The following ACE variants were observed in gnomAD, a reference collection of about 807,000 sequenced individuals.
The protein encoded by ACE is angiotensin-converting enzyme.
In ACE, 122 loss-of-function variants were observed where a neutral mutation model predicts 162.3. The ratio of observed to expected loss-of-function variants is 0.75; its 90% CI spans 0.65 to 0.87. The LOEUF (loss-of-function observed/expected upper bound fraction) is 0.87. ACE is among the 40% of genes least tolerant of loss of function. The pLI, the probability that ACE is intolerant of heterozygous loss-of-function variation, is 0.00. For missense variants in ACE, 1,799 were observed against 1,735.1 expected (o/e 1.04, Z -0.65); for synonymous variants, 796 against 720.6 (o/e 1.10, Z -1.68).
chr17:63,477,266 G>T lies in ACE; in HGVS notation c.172G>T (p.Glu58Ter). 1.3e-6 allele frequency: 2 copies of T among 1,492,980 alleles called. No homozygotes were observed. The highest frequency in any genetic ancestry group is 1.8e-6 in the Non-Finnish European group (2 of 1,121,950). 92.5% of individuals were successfully genotyped at this position (1,492,980 alleles called of 1,614,324 possible). A position where few individuals can be genotyped will look rare whatever the true frequency, so the allele number is the denominator to read the frequency against. ...LFAQSYNSSA[E>*]QVLFQSVAAS... ...CGCGCAGAGCTACAACTCCAGCGCC[G>T]AACAGGTGCTGTTCCAGAGCGTGGC... Residue 58 changes from glutamate (E) to a stop codon, truncating the protein, a stop_gained, in exon 1 of 25, where the codon GAA becomes TAA. Coordinates refer to ENST00000290866, the MANE Select transcript of ACE (RefSeq NM_000789.4). LOFTEE classifies it high-confidence loss of function.
chr17:63,477,835 T>C, intron 1 of ACE, 96 bp from the exon 2 acceptor site: 1 of 1,477,474 alleles, frequency 6.8e-7, no homozygotes, highest in Non-Finnish European at 9.2e-7. Flanking sequence ...TGGAAGCCCT[T>C]GGCCTTCCTC....
Position 63,496,984 on chromosome 17 carries a change from C to A in ACE, c.3690C>A (p.Ser1230=). 1 of 1,608,834 alleles carries A rather than the reference C, an allele frequency of 6.2e-7. No individual in the cohort carries two copies. Among genetic ancestry groups the A allele is most frequent in the South Asian group, 1.1e-5 (1 of 90,498 alleles). Residue 1230 remains serine, a splice_region_variant and synonymous_variant, in exon 24 of 25, where the codon TCC becomes TCA. Coordinates refer to ENST00000290866, the MANE Select transcript of ACE (RefSeq NM_000789.4). ...GWPQYNWTPN[S]ARSEGPLPDS... ...CGCAGTACAACTGGACGCCGAACTC[C>A]GGTACCGCCACCCACCCCACCTCCA...
intron 17 of ACE, 60 bp from the exon 18 acceptor site, chr17:63,490,894 C>T: frequency 3.3e-6 from 5 of 1,504,876 alleles, no homozygotes; most frequent in Non-Finnish European, 3.7e-6. Flanking sequence ...TGCAGGAGGG[C>T]ATTGAGCCTA....
At position 63,483,566 on chromosome 17, in the gene ACE, C is replaced by A. The variant is rs780019292; in HGVS notation, c.1586+8C>A. 2 of 1,598,032 alleles carry A rather than the reference C, an allele frequency of 1.3e-6. No homozygotes were observed. The highest frequency in any genetic ancestry group is 1.7e-6 in the Non-Finnish European group (2 of 1,168,486). On this transcript the variant is annotated splice_region_variant and intron_variant, in intron 10 of 24. Coordinates refer to ENST00000290866, the MANE Select transcript of ACE (RefSeq NM_000789.4). ...TGTGACACCATACATCAGGTATTAG[C>A]GCCCCCACCCCACCCACCCCCAGTA...
chr17:63,479,158 T>A, intron 3 of ACE, 58 bp downstream of exon 3: 6 of 1,401,360 alleles, frequency 4.3e-6, no homozygotes, highest in Non-Finnish European at 5.9e-6. Context: ...ATTGCCCTGC[T>A]GCACTCCAGA....
At position 63,483,986 on chromosome 17, in the gene ACE, G is replaced by A. The variant is rs374906058; in HGVS notation, c.1709+15G>A. ...GCCAAGCTCCGGTGTGTGGTGGGAA[G>A]CCGGGGGAAGTGGGAGGCAGAGAGG... On this transcript the variant is annotated intron_variant, in intron 11 of 24. Transcript: ENST00000290866. 19 of 1,609,272 alleles carry A rather than the reference G, an allele frequency of 1.2e-5. No individual in the cohort carries two copies. Among genetic ancestry groups the A allele is most frequent in the Non-Finnish European group, 1.5e-5 (18 of 1,178,056 alleles).
rs898541680 is a variant in ACE at position 63,497,866 on chromosome 17, G to A, written c.*500G>A. On this transcript the variant is annotated 3_prime_UTR_variant, in exon 25 of 25. Transcript: ENST00000290866. ...GTCTGGCCCAAGCACTGACCCACGC[G>A]GACTCTGGGAAGCAGACATCCTGGG... 1.8e-5 allele frequency: 5 copies of A among 278,436 alleles called. No individual in the cohort carries two copies. Among genetic ancestry groups the A allele is most frequent in the Non-Finnish European group, 2.8e-5 (4 of 142,284 alleles). 17.2% of individuals were successfully genotyped at this position (278,436 alleles called of 1,614,324 possible).
In ACE at chr17:63,484,038, G is replaced by GGT; in HGVS notation, c.1709+70_1709+71dup. On this transcript the variant is annotated intron_variant, in intron 11 of 24. Coordinates refer to ENST00000290866, the MANE Select transcript of ACE (RefSeq NM_000789.4). The surrounding 1 kb of genome is among the most constrained non-coding windows in gnomAD (Gnocchi z 4.0). Reference sequence around the variant, plus strand: ...GCGGCTGGCAAAGGGTGTGGCAGGAGGTGTCTGGCTGCTCTGATGGGGTGG... The same window carrying GGT: ...GCGGCTGGCAAAGGGTGTGGCAGGAGGTGTGTCTGGCTGCTCTGATGGGGTGG... 2 of 1,548,858 alleles carry GGT rather than the reference G, an allele frequency of 1.3e-6. No individual in the cohort carries two copies. Among genetic ancestry groups the GGT allele is most frequent in the Non-Finnish European group, 1.7e-6 (2 of 1,150,046 alleles).
At chr17:63,481,373 A>G (rs927327262) in intron 6 of ACE, among the ~76,000 whole-genome samples, 185 bp downstream of exon 6, 2 of 152,118 alleles carry the variant, frequency 1.3e-5, no homozygotes, top group African/African-American at 2.4e-5. Context: ...CAGGCTCCAC[A>G]GTGGCAGGAT....
At position 63,484,657 on chromosome 17, in the gene ACE, G is replaced by T. The variant is rs2029863733; in HGVS notation, c.1921+116G>T. On this transcript the variant is annotated intron_variant, in intron 12 of 24. Transcript: ENST00000290866. This position sits in a 1 kb window ranked among gnomAD's most constrained non-coding sequence, Gnocchi z 4.0. ...AGCTGAGCCCTGGTACCCTGTCCTG[G>T]AGGGCCAGGCAGCCCCCCAAGCTCA... is the stretch of plus-strand genomic sequence containing the variant. 1 of 1,454,102 alleles carries T rather than the reference G, an allele frequency of 6.9e-7. No individual in the cohort carries two copies. The highest frequency in any genetic ancestry group is 2.3e-5 in the Admixed American group (1 of 43,640). The allele number at this position is 1,454,102 out of a possible 1,614,324, so 90.1% of individuals were successfully genotyped here.
chr17:63,497,452 C>A lies in ACE; in HGVS notation c.*86C>A, dbSNP rs2030838527. 7.3e-6 allele frequency: 9 copies of A among 1,235,498 alleles called. No homozygotes were observed. Among genetic ancestry groups the A allele is most frequent in the South Asian group, 2.6e-5 (2 of 77,754 alleles). The allele number at this position is 1,235,498 out of a possible 1,614,324, so 76.5% of individuals were successfully genotyped here. The stretch of plus-strand genomic sequence containing the variant: ...CTGGTGGGCAGCTGAGGACACACCC[C>A]ACACCCCAGCCCACCCTGCTCCTCC... On this transcript the variant is annotated 3_prime_UTR_variant, in exon 25 of 25. Coordinates refer to ENST00000290866, the MANE Select transcript of ACE (RefSeq NM_000789.4).
chr17:63,487,353 C>T (rs2030026632), intron 15 of ACE, among the ~76,000 whole-genome samples: 1 of 152,094 alleles, frequency 6.6e-6, no homozygotes, highest in Non-Finnish European at 1.5e-5. Context: ...CCCCTCAGAG[C>T]AGCGGGATCT....
intron 6 of ACE, 139 bp downstream of exon 6, chr17:63,481,327 G>C: frequency 1.1e-6 from 1 of 934,554 alleles, no homozygotes; most frequent in Non-Finnish European, 1.7e-6. Context: ...AGTGAGCTGG[G>C]GTCGGCCCCC....
In ACE at chr17:63,477,064, A is replaced by T. The variant is rs2049626172; in HGVS notation, c.-31A>T. 8.1e-7 allele frequency: 1 copy of T among 1,240,236 alleles called. No homozygotes were observed. The highest frequency in any genetic ancestry group is 1.0e-6 in the Non-Finnish European group (1 of 994,792). 76.8% of individuals were successfully genotyped at this position (1,240,236 alleles called of 1,614,324 possible). On this transcript the variant is annotated 5_prime_UTR_variant, in exon 1 of 25. It adds an upstream start codon to the 5' untranslated region. Transcript: ENST00000290866. ...CGCAGGGCGGCCGCGGCGCAGGAGA[A>T]GGGGCAGAGCCGAGCACCGCGCACC... is the stretch of plus-strand genomic sequence containing the variant.
chr17:63,477,275 C>A lies in ACE; in HGVS notation c.181C>A (p.Leu61Met). 6.7e-7 allele frequency: 1 copy of A among 1,485,862 alleles called. No individual in the cohort carries two copies. The highest frequency in any genetic ancestry group is 1.3e-5 in the South Asian group (1 of 78,444). 92.0% of individuals were successfully genotyped at this position (1,485,862 alleles called of 1,614,324 possible). Residue 61 changes from leucine (L) to methionine (M), a missense_variant, in exon 1 of 25, where the codon CTG (leucine) becomes ATG (methionine). Physicochemically the swap from Leu to Met is conservative, Grantham distance 15 (BLOSUM62 2). Coordinates refer to ENST00000290866, the MANE Select transcript of ACE (RefSeq NM_000789.4). ...QSYNSSAEQV[L>M]FQSVAASWAH... ...CTACAACTCCAGCGCCGAACAGGTG[C>A]TGTTCCAGAGCGTGGCCGCCAGCTG...
chr17:63,484,509 C>T lies in ACE; in HGVS notation c.1889C>T (p.Pro630Leu), dbSNP rs142818229. ...GGCTGGCCCGAGTACCAGTGGCACCCGCCGTTGCCTGACAACTACCCGGAG... is the reference window on the plus strand; with the variant it reads ...GGCTGGCCCGAGTACCAGTGGCACCTGCCGTTGCCTGACAACTACCCGGAG... ...VLGWPEYQWH[P>L]PLPDNYPEGI... The change falls in exon 12 of 25, where the codon CCG (proline) becomes CTG (leucine). Residue 630 changes from proline to leucine, a missense_variant. By Grantham distance (98) the Pro-to-Leu change is moderately conservative. Coordinates refer to ENST00000290866, the MANE Select transcript of ACE (RefSeq NM_000789.4). This position sits in a 1 kb window ranked among gnomAD's most constrained non-coding sequence, Gnocchi z 4.0. 40 of 1,611,808 alleles carry T rather than the reference C, an allele frequency of 2.5e-5. No individual in the cohort carries two copies. The highest frequency in any genetic ancestry group is 2.0e-4 in the African/African-American group (15 of 75,034).
At position 63,493,591 on chromosome 17, in the gene ACE, C is replaced by T; in HGVS notation, c.3068C>T (p.Ala1023Val). ...CATGAGGCCATTGGGGACGTGCTAG[C>T]CCTCTCAGTGTCTACGCCCAAGCAC... ...GFHEAIGDVL[A>V]LSVSTPKHLH... Residue 1023 changes from alanine (A) to valine (V), a missense_variant, in exon 20 of 25, where the codon GCC becomes GTC. Ala to Val is a moderately conservative substitution (Grantham distance 64). Coordinates refer to ENST00000290866, the MANE Select transcript of ACE (RefSeq NM_000789.4). 2 of 1,614,180 alleles carry T rather than the reference C, an allele frequency of 1.2e-6. No individual in the cohort carries two copies.
In ACE at chr17:63,496,459, C is replaced by T. The variant is rs764430271; in HGVS notation, c.3446C>T (p.Thr1149Met). Residue 1149 changes from threonine to methionine, a missense_variant, in exon 23 of 25, where the codon ACG becomes ATG. Coordinates refer to ENST00000290866, the MANE Select transcript of ACE (RefSeq NM_000789.4). ...GCACTGTGCCAGGCAGCTGGCCACA[C>T]GGGCCCCCTGCACAAGTGTGACATC... Reference protein sequence around the residue: ...HEALCQAAGHTGPLHKCDIYQ... With the variant: ...HEALCQAAGHMGPLHKCDIYQ... The T allele has an allele frequency of 1.6e-5, 26 of 1,614,090 alleles. No homozygotes were observed. Among genetic ancestry groups the T allele is most frequent in the Admixed American group, 3.3e-5 (2 of 60,014 alleles).
rs1197014458 is a variant in ACE at position 63,493,957 on chromosome 17, G to A, written c.3172G>A (p.Asp1058Asn). 1.9e-6 allele frequency: 3 copies of A among 1,614,154 alleles called. No homozygotes were observed. Among genetic ancestry groups the A allele is most frequent in the South Asian group, 1.1e-5 (1 of 91,066 alleles). The change falls in exon 21 of 25, where the codon GAC becomes AAC. Residue 1058 changes from aspartate to asparagine, a missense_variant. Coordinates refer to ENST00000290866, the MANE Select transcript of ACE (RefSeq NM_000789.4). Reference protein sequence around the residue: ...DINFLMKMALDKIAFIPFSYL... With the variant: ...DINFLMKMALNKIAFIPFSYL... ...CAACTTTCTGATGAAGATGGCCCTT[G>A]ACAAGATCGCCTTTATCCCCTTCAG...
Sources: gnomAD v4.1 joint callset for allele counts (sites outside exome capture counted in the v4.1 genomes callset) on GRCh38, gnomAD v4.1.1 for gene constraint, Gnocchi (gnomAD v3.1) non-coding constraint, MANE v1.5 for transcripts, NCBI Gene and HGNC (gene_info 2026-07-23, HGNC 2026-07-21) for gene names.